Variants in BRF1 observed in about 807,000 individuals in gnomAD.
BRF1 encodes BRF1 general transcription factor IIIB subunit.
In BRF1, 59 loss-of-function variants were observed where a neutral mutation model predicts 81.7. That is an observed-to-expected ratio of 0.72 (90% CI 0.59 to 0.90). The LOEUF (loss-of-function observed/expected upper bound fraction) is 0.90. Ranked by LOEUF, BRF1 falls within the 40% of genes least tolerant of loss-of-function variation. The pLI is 0.00. For synonymous variants in BRF1, 491 were observed against 395.6 expected (o/e 1.24, Z -2.86); for missense variants, 1,050 against 936.3 (o/e 1.12, Z -1.58).
chr14:105,286,644 T>C (rs8022081), intron 1 of BRF1, among the ~76,000 whole-genome samples: 109,788 of 151,748 alleles, frequency 0.72, 40,885 homozygotes, highest in East Asian at 0.98. Flanking sequence ...CTCCCTCTGT[T>C]GCCCAGGCTG....
At chr14:105,221,478 C>G (rs1396765104) in intron 11 of BRF1, among the ~76,000 whole-genome samples, 170 bp downstream of exon 11, 1 of 152,220 alleles carries the variant, frequency 6.6e-6, no homozygotes, top group Non-Finnish European at 1.5e-5. Flanking sequence ...ACCACTGACG[C>G]CCACACAGCC....
chr14:105,272,625 C>T, intron 3 of BRF1, 96 bp downstream of exon 3: 1 of 1,428,574 alleles, frequency 7.0e-7, no homozygotes. Flanking sequence ...TAAAGACAAA[C>T]ACCAAGTTAC....
At chr14:105,300,294 A>G in intron 1 of BRF1, 152 bp downstream of exon 1, 1 of 875,718 alleles carries the variant, frequency 1.1e-6, no homozygotes, top group Non-Finnish European at 1.6e-6. Context: ...ATTCTCGCCA[A>G]GGGGATCCAC....
intron 5 of BRF1, chr14:105,250,879 G>C (rs77631464): frequency 3.3e-6 from 2 of 604,108 alleles, no homozygotes; most frequent in South Asian, 4.3e-5. Flanking sequence ...TGGGGTGCAC[G>C]TCTCAGGTGG....
At chr14:105,246,558 C>G (rs1213728068) in intron 5 of BRF1, among the ~76,000 whole-genome samples, 2 of 152,154 alleles carry the variant, frequency 1.3e-5, no homozygotes, top group Non-Finnish European at 2.9e-5. Context: ...CAACCTCCGC[C>G]TCCCTGGTTC....
chr14:105,296,213 C>T (rs762243156), intron 1 of BRF1, among the ~76,000 whole-genome samples: 3 of 151,804 alleles, frequency 2.0e-5, no homozygotes, highest in Non-Finnish European at 4.4e-5. Flanking sequence ...CATGGCAAAA[C>T]CCCATCTCTA....
intron 1 of BRF1, among the ~76,000 whole-genome samples, chr14:105,286,616 T>TC (rs2057325008): frequency 6.6e-6 from 1 of 152,120 alleles, no homozygotes; most frequent in Admixed American, 6.5e-5. Context: ...CATTTTCTTT[T>TC]TTTTTTTGAG....
rs112029354 is a variant in BRF1 at position 105,224,267 on chromosome 14, G to C, written c.1048+1802C>G. The stretch of plus-strand genomic sequence containing the variant: ...GCCTGTAGTCCCAACTACTCAGGAG[G>C]GTGAGGCAGGAGAATTGCTTCAAAC... On this transcript the variant is annotated intron_variant, in intron 10 of 17. Coordinates refer to ENST00000547530, the MANE Select transcript of BRF1 (RefSeq NM_001519.4). 1.1e-4 allele frequency among the ~76,000 whole-genome samples: 17 copies of C among 152,338 alleles called. 1 individual carries two copies. Among genetic ancestry groups the C allele is most frequent in the African/African-American group, 4.1e-4 (17 of 41,566 alleles).
intron 2 of BRF1, among the ~76,000 whole-genome samples, chr14:105,275,914 G>A (rs1204557533): frequency 6.6e-6 from 1 of 152,158 alleles, no homozygotes; most frequent in African/African-American, 2.4e-5. Context: ...CAGTGAGAAG[G>A]AGCTGAGAGG....
intron 5 of BRF1, chr14:105,249,713 A>G: frequency 6.2e-7 from 1 of 1,613,848 alleles, no homozygotes; most frequent in Non-Finnish European, 8.5e-7. Context: ...TAAGAAGTAC[A>G]TCGTCCCAGC....
intron 1 of BRF1, among the ~76,000 whole-genome samples, chr14:105,290,795 G>A (rs1188714364): frequency 6.6e-6 from 1 of 151,736 alleles, no homozygotes; most frequent in Non-Finnish European, 1.5e-5. Flanking sequence ...TCCCTGTGTT[G>A]TTCTCCCTGT....
At chr14:105,220,601 G>A (rs774630473) in intron 11 of BRF1, among the ~76,000 whole-genome samples, 4 of 152,148 alleles carry the variant, frequency 2.6e-5, no homozygotes, top group Non-Finnish European at 4.4e-5. Context: ...GCCTGAGGGA[G>A]CCCTCCATGA....
Position 105,250,734 on chromosome 14 carries a change from G to A in BRF1, c.544+1773C>T, listed in dbSNP as rs149697762. The A allele has an allele frequency of 3.4e-6, 5 of 1,488,930 alleles. No individual in the cohort carries two copies. In the African/African-American group the frequency reaches 5.6e-5, roughly 17 times the overall value. 92.2% of individuals were successfully genotyped at this position (1,488,930 alleles called of 1,614,324 possible). On this transcript the variant is annotated intron_variant, in intron 5 of 17. Transcript: ENST00000547530. Reference sequence around the variant, plus strand: ...TGGAGGGGAAGTCAAGATGCTAACTGCTTCTTGACACCATGAAAGGCTGCT... The same window carrying A: ...TGGAGGGGAAGTCAAGATGCTAACTACTTCTTGACACCATGAAAGGCTGCT...
rs1889932747 is a variant in BRF1 at position 105,210,473 on chromosome 14, C to T, written c.*78G>A. The T allele has an allele frequency of 5.8e-6, 9 of 1,543,842 alleles. No individual in the cohort carries two copies. The highest frequency in any genetic ancestry group is 3.4e-5 in the South Asian group (3 of 87,086). The stretch of plus-strand genomic sequence containing the variant: ...TCTCGGCGCTGGGGCCTGCCTGCTG[C>T]GGTCCTGGAAGCCCGTCTGATGCTG... On this transcript the variant is annotated 3_prime_UTR_variant, in exon 18 of 18. Transcript: ENST00000547530. The surrounding 1 kb of genome is among the most constrained non-coding windows in gnomAD (Gnocchi z 4.7).
In BRF1 at chr14:105,294,035, C is replaced by T. The variant is rs142878414; in HGVS notation, c.184+6411G>A. Among the ~76,000 whole-genome samples, 610 of 152,314 alleles carry T rather than the reference C, an allele frequency of 4.0e-3. 3 individuals carry two copies. Among genetic ancestry groups the T allele is most frequent in the Non-Finnish European group, 7.1e-3 (482 of 68,024 alleles). On this transcript the variant is annotated intron_variant, in intron 1 of 17. Transcript: ENST00000547530. The stretch of plus-strand genomic sequence containing the variant: ...TTGTGTGCCAGGGAAACTGAGAAGC[C>T]ACCAAGGTTTCCAGCCCCCTGTGAT...
chr14:105,223,185 C>A (rs1396337678), intron 10 of BRF1, among the ~76,000 whole-genome samples: 1 of 152,060 alleles, frequency 6.6e-6, no homozygotes, highest in Non-Finnish European at 1.5e-5. Flanking sequence ...AGAGTAAGAC[C>A]GTCTCAAAAA....
chr14:105,286,465 C>G, intron 1 of BRF1, 89 bp from the exon 2 acceptor site: 2 of 1,363,712 alleles, frequency 1.5e-6, no homozygotes, highest in South Asian at 2.5e-5. Flanking sequence ...AAAGTGAGAA[C>G]AAAGCGGGGG....
chr14:105,296,810 A>T (rs749085440), intron 1 of BRF1, among the ~76,000 whole-genome samples: 57 of 152,292 alleles, frequency 3.7e-4, no homozygotes, highest in South Asian at 2.1e-3. Flanking sequence ...AAACTAAATT[A>T]AAAAAATTCC....
chr14:105,314,959 G>A (rs2058501960), intron 1 of BRF1: 2 of 1,195,828 alleles, frequency 1.7e-6, no homozygotes, highest in East Asian at 5.9e-5. Flanking sequence ...GGCGCGCCCG[G>A]CGCGCTCAAC....
Sources: gnomAD v4.1 joint callset for allele counts (sites outside exome capture counted in the v4.1 genomes callset) on GRCh38, gnomAD v4.1.1 for gene constraint, Gnocchi (gnomAD v3.1) non-coding constraint, MANE v1.5 for transcripts, NCBI Gene and HGNC (gene_info 2026-07-23, HGNC 2026-07-21) for gene names.